Variants in ST3GAL3 observed in about 807,000 individuals in gnomAD.
ST3GAL3 encodes ST3 beta-galactoside alpha-2,3-sialyltransferase 3.
Under a neutral mutation model 50.1 loss-of-function variants are expected in ST3GAL3, and 21 were observed. That is an observed-to-expected ratio of 0.42 (90% CI 0.30 to 0.60). ST3GAL3 has a LOEUF of 0.60. Ranked by LOEUF, ST3GAL3 falls within the 20% of genes least tolerant of loss-of-function variation. ST3GAL3 has a pLI of 0.19. For missense variants in ST3GAL3, 353 were observed against 489.4 expected (o/e 0.72, Z 2.63); for synonymous variants, 183 against 190.0 (o/e 0.96, Z 0.30).
In ST3GAL3 at chr1:43,867,759, C is replaced by T. The variant is rs551927004; in HGVS notation, c.303-26624C>T. On this transcript the variant is annotated intron_variant, in intron 5 of 11. Coordinates refer to ENST00000347631, the MANE Select transcript of ST3GAL3 (RefSeq NM_006279.5). ...TGTCTGGCCCAGTTGACATATTTAC[C>T]GTACCTTCTTGGCTCTTGTAGGCAT... Among the ~76,000 whole-genome samples, 127 of 152,272 alleles carry T rather than the reference C, an allele frequency of 8.3e-4. 1 individual carries two copies. The highest frequency in any genetic ancestry group is 2.9e-3 in the African/African-American group (122 of 41,552).
intron 5 of ST3GAL3, chr1:43,858,309 G>A (rs1435629918): frequency 1.6e-6 from 2 of 1,270,720 alleles, no homozygotes; most frequent in Non-Finnish European, 2.0e-6. Context: ...GCTGGGAAAG[G>A]TGGGGCTTCG....
intron 2 of ST3GAL3, among the ~76,000 whole-genome samples, chr1:43,766,309 G>C (rs1360797223): frequency 1.3e-5 from 2 of 152,056 alleles, no homozygotes; most frequent in Non-Finnish European, 2.9e-5. Flanking sequence ...AGGTGCCTGG[G>C]CCTGGGAATT....
At chr1:43,753,206 G>T (rs948402302) in intron 2 of ST3GAL3, among the ~76,000 whole-genome samples, 1 of 152,222 alleles carries the variant, frequency 6.6e-6, no homozygotes, top group Non-Finnish European at 1.5e-5. Context: ...TAGGGACCCT[G>T]TACACGCGTG....
At position 43,898,227 on chromosome 1, in the gene ST3GAL3, G is replaced by T. The variant is rs113074120; in HGVS notation, c.398-8G>T. On this transcript the variant is annotated splice_region_variant and splice_polypyrimidine_tract_variant and intron_variant, in intron 6 of 11. Coordinates refer to ENST00000347631, the MANE Select transcript of ST3GAL3 (RefSeq NM_006279.5). ...CCTGTAACAGAAACCTCTCTCCTCTGTCTGCAGACAATCTGATCAAAGCCA... is the reference window on the plus strand; with the variant it reads ...CCTGTAACAGAAACCTCTCTCCTCTTTCTGCAGACAATCTGATCAAAGCCA... 1 of 1,613,824 alleles carries T rather than the reference G, an allele frequency of 6.2e-7. No homozygotes were observed. The highest frequency in any genetic ancestry group is 1.3e-5 in the African/African-American group (1 of 75,022).
At chr1:43,723,385 A>G (rs1385689326) in intron 1 of ST3GAL3, among the ~76,000 whole-genome samples, 1 of 152,046 alleles carries the variant, frequency 6.6e-6, no homozygotes, top group Non-Finnish European at 1.5e-5. Flanking sequence ...CTGGAATTAC[A>G]GGCGTGAGCC....
At chr1:43,714,266 CAAA>C (rs111607096) in intron 1 of ST3GAL3, among the ~76,000 whole-genome samples, 2 of 96,532 alleles carry the variant, frequency 2.1e-5, no homozygotes, top group Non-Finnish European at 2.1e-5. Flanking sequence ...AACTCCATCT[CAAA>C]AAAAAAAAAA....
intron 2 of ST3GAL3, among the ~76,000 whole-genome samples, chr1:43,790,027 A>C (rs2057849836): frequency 6.6e-6 from 1 of 152,218 alleles, no homozygotes; most frequent in South Asian, 2.1e-4. Context: ...ATTTCAAAGC[A>C]TATGGATCTA....
chr1:43,924,287 C>T (rs2245439), intron 11 of ST3GAL3, among the ~76,000 whole-genome samples: 14,586 of 152,234 alleles, frequency 0.096, 915 homozygotes, highest in South Asian at 0.22. Context: ...CCATGCTTCA[C>T]GTGCCTTCTT....
chr1:43,930,653 C>T lies in ST3GAL3; in HGVS notation c.*432C>T. The T allele has an allele frequency of 3.1e-6, 1 of 323,946 alleles. No homozygotes were observed. Among genetic ancestry groups the T allele is most frequent in the Non-Finnish European group, 6.1e-6 (1 of 165,244 alleles). The allele number at this position is 323,946 out of a possible 1,614,324, so 20.1% of individuals were successfully genotyped here. On this transcript the variant is annotated 3_prime_UTR_variant, in exon 12 of 12. Coordinates refer to ENST00000347631, the MANE Select transcript of ST3GAL3 (RefSeq NM_006279.5). ...ATGCAGGAAGAGGCCCACTAGAGGGCCCATCAGGCAGTGTTACCTGTTAGC... is the reference window on the plus strand; with the variant it reads ...ATGCAGGAAGAGGCCCACTAGAGGGTCCATCAGGCAGTGTTACCTGTTAGC...
chr1:43,734,145 T>C (rs939110864), intron 1 of ST3GAL3, among the ~76,000 whole-genome samples: 6 of 152,018 alleles, frequency 3.9e-5, no homozygotes, highest in Non-Finnish European at 7.4e-5. Flanking sequence ...TTTGTCTCTT[T>C]ATTTACTCAG....
intron 5 of ST3GAL3, chr1:43,850,331 A>T (rs1450055066): frequency 3.4e-6 from 2 of 596,196 alleles, no homozygotes; most frequent in East Asian, 1.1e-4. Flanking sequence ...GAGGGAAGAG[A>T]GTGAAGCTCT....
chr1:43,747,039 T>C (rs958647946), intron 2 of ST3GAL3, among the ~76,000 whole-genome samples: 6 of 152,074 alleles, frequency 3.9e-5, no homozygotes, highest in African/African-American at 1.4e-4. Context: ...GTGCGAGGAT[T>C]ACAGGCGTGA....
At chr1:43,929,931 G>T in intron 11 of ST3GAL3, 1 of 731,342 alleles carries the variant, frequency 1.4e-6, no homozygotes, top group Admixed American at 1.8e-5. Context: ...TCCCTGTCTT[G>T]GGAAGGGAGG....
intron 9 of ST3GAL3, among the ~76,000 whole-genome samples, chr1:43,904,380 A>G (rs1324481830): frequency 6.6e-6 from 1 of 151,460 alleles, no homozygotes; most frequent in Admixed American, 6.6e-5. Context: ...CCGAGCCAGC[A>G]TTCACCACCC....
chr1:43,763,679 G>A (rs1031644269), intron 2 of ST3GAL3, among the ~76,000 whole-genome samples: 1 of 152,162 alleles, frequency 6.6e-6, no homozygotes, highest in Non-Finnish European at 1.5e-5. Flanking sequence ...AATGACTTCT[G>A]GCAAAATCCT....
intron 11 of ST3GAL3, chr1:43,922,028 C>T (rs969498389): frequency 1.3e-5 from 4 of 318,972 alleles, no homozygotes; most frequent in African/African-American, 8.5e-5. Flanking sequence ...TCACCATTCT[C>T]TCACATTCTC....
At chr1:43,771,365 T>G (rs1695076980) in intron 2 of ST3GAL3, among the ~76,000 whole-genome samples, 1 of 124,722 alleles carries the variant, frequency 8.0e-6, no homozygotes, top group African/African-American at 4.8e-5. Context: ...CGACTTTTTG[T>G]TTTTTTTTTT....
chr1:43,873,046 C>A (rs1186658147), intron 5 of ST3GAL3, among the ~76,000 whole-genome samples: 2 of 152,136 alleles, frequency 1.3e-5, no homozygotes, highest in Non-Finnish European at 2.9e-5. Flanking sequence ...AAATCTGAAT[C>A]ATGGGAGTGT....
chr1:43,797,057 A>T (rs2058756702), intron 3 of ST3GAL3, among the ~76,000 whole-genome samples: 1 of 152,044 alleles, frequency 6.6e-6, no homozygotes, highest in Non-Finnish European at 1.5e-5. Context: ...GCATGGTGGC[A>T]CACACCTGTA....
Sources: gnomAD v4.1 joint callset for allele counts (sites outside exome capture counted in the v4.1 genomes callset) on GRCh38, gnomAD v4.1.1 for gene constraint, MANE v1.5 for transcripts, NCBI Gene and HGNC (gene_info 2026-07-23, HGNC 2026-07-21) for gene names.